The following TAFA2 variants were observed in gnomAD, a reference collection of about 807,000 sequenced individuals.
TAFA2 encodes chemokine-like protein TAFA-2.
Under a neutral mutation model 18.8 loss-of-function variants are expected in TAFA2, and 7 were observed. The ratio of observed to expected loss-of-function variants is 0.37; its 90% CI spans 0.21 to 0.70. TAFA2 has a LOEUF of 0.70. Ranked by LOEUF, TAFA2 falls within the 30% of genes least tolerant of loss-of-function variation. The pLI is 0.53. For synonymous variants in TAFA2, 60 were observed against 54.2 expected (o/e 1.11, Z -0.47); for missense variants, 122 against 158.1 (o/e 0.77, Z 1.23).
chr12:62,211,424 C>CA (rs1295262373), intron 1 of TAFA2, among the ~76,000 whole-genome samples: 2 of 151,828 alleles, frequency 1.3e-5, no homozygotes, highest in East Asian at 3.9e-4. Flanking sequence ...ACTAAAAATA[C>CA]AAAAAATTAG....
chr12:62,069,538 G>C (rs1565734392), intron 1 of TAFA2, among the ~76,000 whole-genome samples: 1 of 152,004 alleles, frequency 6.6e-6, no homozygotes, highest in Non-Finnish European at 1.5e-5. Flanking sequence ...AACTCCCAAT[G>C]GTACATGAAA....
chr12:61,714,236 A>G (rs527494878), intron 4 of TAFA2, among the ~76,000 whole-genome samples: 2 of 152,242 alleles, frequency 1.3e-5, no homozygotes, highest in Admixed American at 1.3e-4. Flanking sequence ...TATAATCACT[A>G]TCTCAGTAAA....
At chr12:62,107,986 T>C (rs1311876056) in intron 1 of TAFA2, among the ~76,000 whole-genome samples, 1 of 152,138 alleles carries the variant, frequency 6.6e-6, no homozygotes, top group African/African-American at 2.4e-5. Context: ...CACTTCCATA[T>C]AAAAGCTTTT....
intron 1 of TAFA2, among the ~76,000 whole-genome samples, chr12:62,028,327 A>G (rs974089334): frequency 1.3e-5 from 2 of 152,160 alleles, no homozygotes; most frequent in African/African-American, 4.8e-5. Context: ...CGTGACAGAA[A>G]GACAGTTCTT....
intron 1 of TAFA2, among the ~76,000 whole-genome samples, chr12:61,921,317 G>A (rs943765581): frequency 5.3e-5 from 8 of 152,332 alleles, no homozygotes; most frequent in African/African-American, 1.7e-4. Flanking sequence ...TTAGGCCAGA[G>A]TGGTAGCAGT....
chr12:61,712,400 T>G (rs886602556), intron 4 of TAFA2, among the ~76,000 whole-genome samples: 5 of 152,132 alleles, frequency 3.3e-5, no homozygotes, highest in Non-Finnish European at 7.4e-5. Context: ...ATTTTGAAAA[T>G]AGACATCTAA....
At chr12:61,861,256 CTT>C (rs1172711323) in intron 2 of TAFA2, among the ~76,000 whole-genome samples, 77 of 117,090 alleles carry the variant, frequency 6.6e-4, no homozygotes, top group African/African-American at 1.4e-3. Context: ...CTGGCCTCGC[CTT>C]TTTTTTTTTT....
intron 2 of TAFA2, among the ~76,000 whole-genome samples, chr12:61,861,707 GTC>G (rs1874136109): frequency 6.6e-6 from 1 of 152,122 alleles, no homozygotes; most frequent in African/African-American, 2.4e-5. Context: ...TTATGGCTAT[GTC>G]TCCCAGGCTT....
intron 2 of TAFA2, among the ~76,000 whole-genome samples, chr12:61,841,248 C>T (rs1357999851): frequency 1.3e-5 from 2 of 152,052 alleles, no homozygotes; most frequent in Admixed American, 1.3e-4. Flanking sequence ...TCCTTTCATT[C>T]AAAACTTGAA....
chr12:61,711,447 T>C (rs1322211680), intron 4 of TAFA2, among the ~76,000 whole-genome samples: 2 of 152,076 alleles, frequency 1.3e-5, no homozygotes, highest in African/African-American at 2.4e-5. Flanking sequence ...TTTCTAGGAA[T>C]GGCTAAAACA....
chr12:62,200,798 T>C (rs2136967453), intron 1 of TAFA2, among the ~76,000 whole-genome samples: 1 of 152,336 alleles, frequency 6.6e-6, no homozygotes, highest in Middle Eastern at 3.4e-3. Context: ...AGAATGTCAA[T>C]GGTAGTTTAA....
chr12:61,735,602 A>G (rs899590655), intron 4 of TAFA2, among the ~76,000 whole-genome samples: 6 of 152,026 alleles, frequency 3.9e-5, no homozygotes, highest in African/African-American at 7.2e-5. Flanking sequence ...ATTATTGAGT[A>G]ACTTCTATTT....
chr12:62,109,175 T>A (rs948148282), intron 1 of TAFA2, among the ~76,000 whole-genome samples: 1 of 152,196 alleles, frequency 6.6e-6, no homozygotes, highest in Non-Finnish European at 1.5e-5. Flanking sequence ...AAGGAAGGGG[T>A]CCAGTTTCAG....
chr12:61,880,041 C>A, intron 1 of TAFA2: 1 of 707,332 alleles, frequency 1.4e-6, no homozygotes, highest in South Asian at 1.5e-5. Context: ...TCCCTGATCT[C>A]GGACACGTCT....
chr12:61,857,416 G>A (rs1174810889), intron 2 of TAFA2, among the ~76,000 whole-genome samples: 1 of 152,082 alleles, frequency 6.6e-6, no homozygotes, highest in Non-Finnish European at 1.5e-5. Flanking sequence ...TTTCAGAGTG[G>A]TGAGAGGGGA....
chr12:62,211,282 A>G (rs1453002273), intron 1 of TAFA2, among the ~76,000 whole-genome samples: 1 of 152,190 alleles, frequency 6.6e-6, no homozygotes, highest in Non-Finnish European at 1.5e-5. Context: ...CTTAAAATTT[A>G]AAAAGCAGAA....
intron 4 of TAFA2, among the ~76,000 whole-genome samples, chr12:61,735,662 A>G (rs1868292328): frequency 6.6e-6 from 1 of 151,612 alleles, no homozygotes; most frequent in Non-Finnish European, 1.5e-5. Flanking sequence ...CTTCTTTTGT[A>G]TAGTTTTTAT....
chr12:61,711,912 A>G (rs1178035188), intron 4 of TAFA2, among the ~76,000 whole-genome samples: 1 of 152,106 alleles, frequency 6.6e-6, no homozygotes, highest in Non-Finnish European at 1.5e-5. Flanking sequence ...CTCATTATCA[A>G]TTATCAACTA....
intron 1 of TAFA2, among the ~76,000 whole-genome samples, chr12:61,916,113 T>C (rs1227793471): frequency 6.6e-6 from 1 of 152,356 alleles, no homozygotes; most frequent in East Asian, 1.9e-4. Context: ...TGAAGCCCTT[T>C]GTCACTGAGG....
Sources: gnomAD v4.1 joint callset for allele counts (sites outside exome capture counted in the v4.1 genomes callset) on GRCh38, gnomAD v4.1.1 for gene constraint, MANE v1.5 for transcripts, NCBI Gene and HGNC (gene_info 2026-07-23, HGNC 2026-07-21) for gene names.